EPM2A: variants seen among roughly 807,000 people sequenced by gnomAD.
EPM2A encodes the protein EPM2A glucan phosphatase, laforin, also known as laforin.
In EPM2A, 21 loss-of-function variants were observed where a neutral mutation model predicts 26.5. The ratio of observed to expected loss-of-function variants is 0.79; its 90% CI spans 0.56 to 1.14. The LOEUF (loss-of-function observed/expected upper bound fraction) is 1.14, where lower values mean the gene tolerates loss of function less well. Among genes scored for constraint, EPM2A ranks in the 50% most tolerant of loss-of-function variants. The pLI is 0.00. For synonymous variants in EPM2A, 217 were observed against 177.6 expected, an observed-to-expected ratio of 1.22 and a Z score of -1.76; for missense variants, 458 against 440.8, an observed-to-expected ratio of 1.04 and a Z score of -0.35.
intron 2 of EPM2A, among the ~76,000 whole-genome samples, chr6:145,581,045 T>C (rs554794089): frequency 1.3e-5 from 2 of 152,354 alleles, no homozygotes; most frequent in South Asian, 4.1e-4. Flanking sequence ...ATAATTGGAA[T>C]GCTGGGTAAA....
At chr6:145,385,791 A>T (rs1417513392) in intron 4 of EPM2A, among the ~76,000 whole-genome samples, 1 of 152,034 alleles carries the variant, frequency 6.6e-6, no homozygotes, top group African/African-American at 2.4e-5. Context: ...ATTGCTTTCT[A>T]TCTATAAATC....
At chr6:145,502,562 T>A (rs1379764415) in exon 3 of EPM2A, 2 of 470,902 alleles carry the variant, frequency 4.2e-6, no homozygotes. Flanking sequence ...ACATGTCAGC[T>A]GTCCTCTTCT....
At chr6:145,503,006 T>G (rs1008749306) in intron 2 of EPM2A, among the ~76,000 whole-genome samples, 1 of 152,230 alleles carries the variant, frequency 6.6e-6, no homozygotes, top group Non-Finnish European at 1.5e-5. Flanking sequence ...AGCTTTGCCA[T>G]AACCCATTTA....
rs1775869343 is a variant in EPM2A at position 145,627,177 on chromosome 6, C to T, written c.*239G>A. ...ACGCATTACCCTTCTGTCTGATGTA[C>T]AGCCTAACTGCTTCGTGCTTCTTCT... On this transcript the variant is annotated 3_prime_UTR_variant, in exon 4 of 4. Coordinates refer to ENST00000367519, the MANE Select transcript of EPM2A (RefSeq NM_005670.4). 2 of 1,408,928 alleles carry T rather than the reference C, an allele frequency of 1.4e-6. No homozygotes were observed. Among genetic ancestry groups the T allele is most frequent in the Admixed American group, 2.9e-5 (1 of 34,166 alleles). 87.3% of individuals were successfully genotyped at this position (1,408,928 alleles called of 1,614,324 possible). A position where few individuals can be genotyped will look rare whatever the true frequency, so the allele number is the denominator to read the frequency against.
chr6:145,648,464 T>C (rs1240675024), intron 2 of EPM2A, among the ~76,000 whole-genome samples: 1 of 152,232 alleles, frequency 6.6e-6, no homozygotes, highest in Non-Finnish European at 1.5e-5. Context: ...TTATTAATTA[T>C]AACCCATGGA....
intron 2 of EPM2A, among the ~76,000 whole-genome samples, chr6:145,618,530 T>G (rs1270007261): frequency 6.6e-6 from 1 of 152,196 alleles, no homozygotes; most frequent in Non-Finnish European, 1.5e-5. Context: ...GTCATCCTCA[T>G]GTTGTTCTCA....
At chr6:145,718,917 A>T (rs902644711) in intron 1 of EPM2A, among the ~76,000 whole-genome samples, 5 of 152,264 alleles carry the variant, frequency 3.3e-5, no homozygotes, top group African/African-American at 9.6e-5. Context: ...TCAAAACCAC[A>T]ATGAGATACC....
chr6:145,657,484 A>G (rs2128584247), intron 2 of EPM2A, among the ~76,000 whole-genome samples: 1 of 152,086 alleles, frequency 6.6e-6, no homozygotes, highest in East Asian at 1.9e-4. Flanking sequence ...TTCCTATTTA[A>G]CTGACAGGAT....
chr6:145,390,415 C>A (rs150321311), intron 4 of EPM2A, among the ~76,000 whole-genome samples: 1 of 151,820 alleles, frequency 6.6e-6, no homozygotes, highest in Non-Finnish European at 1.5e-5. Context: ...ATGTAAGGTA[C>A]CCTTCATGGC....
intron 4 of EPM2A, among the ~76,000 whole-genome samples, chr6:145,405,135 T>C (rs1778549287): frequency 6.6e-6 from 1 of 152,158 alleles, no homozygotes; most frequent in African/African-American, 2.4e-5. Context: ...TTGCTGACAA[T>C]GTTAGAAAAA....
chr6:145,550,236 G>C (rs138451832), intron 2 of EPM2A, among the ~76,000 whole-genome samples: 41 of 152,098 alleles, frequency 2.7e-4, no homozygotes, highest in Non-Finnish European at 4.4e-4. Flanking sequence ...CCCTTCCCAG[G>C]AATTTTATTA....
intron 2 of EPM2A, among the ~76,000 whole-genome samples, chr6:145,647,739 G>A (rs1418614083): frequency 6.6e-6 from 1 of 152,118 alleles, no homozygotes; most frequent in East Asian, 1.9e-4. Context: ...GAAAGGGGAA[G>A]AGGAAGGGAA....
intron 4 of EPM2A, chr6:145,490,717 C>T (rs1779743421): frequency 5.3e-6 from 3 of 569,898 alleles, no homozygotes; most frequent in East Asian, 4.6e-5. Context: ...TGAACCATTA[C>T]ATTTCTCACA....
In EPM2A at chr6:145,426,382, C is replaced by T. The variant is rs139572771; in HGVS notation, c.556-42285G>A. Among the ~76,000 whole-genome samples, 234 of 152,262 alleles carry T rather than the reference C, an allele frequency of 1.5e-3. 2 individuals are homozygous for T. Among genetic ancestry groups the T allele is most frequent in the African/African-American group, 5.2e-3 (215 of 41,558 alleles). ...CAGTACAATCTCTCAAAACCAGATT[C>T]GCATCAAAATAATTTCCACCATCGA... On this transcript the variant is annotated intron_variant, in intron 4 of 4. Coordinates refer to the EPM2A transcript ENST00000638717.
At chr6:145,561,457 T>C (rs1412975575) in intron 2 of EPM2A, among the ~76,000 whole-genome samples, 1 of 152,186 alleles carries the variant, frequency 6.6e-6, no homozygotes, top group Non-Finnish European at 1.5e-5. Flanking sequence ...ATGAAGACTT[T>C]TGTATATTTG....
intron 1 of EPM2A, among the ~76,000 whole-genome samples, chr6:145,690,693 T>C (rs944054298): frequency 4.0e-5 from 6 of 151,506 alleles, no homozygotes; most frequent in African/African-American, 1.2e-4. Flanking sequence ...ATGTTAGAAT[T>C]ATGTGATAAT....
intron 4 of EPM2A, among the ~76,000 whole-genome samples, chr6:145,480,084 T>C (rs536955410): frequency 5.9e-5 from 9 of 152,144 alleles, no homozygotes; most frequent in Admixed American, 4.6e-4. Flanking sequence ...CATTAAATTG[T>C]TTGCCAGTTT....
intron 4 of EPM2A, among the ~76,000 whole-genome samples, chr6:145,483,235 A>G (rs1343417368): frequency 6.6e-6 from 1 of 152,076 alleles, no homozygotes; most frequent in African/African-American, 2.4e-5. Flanking sequence ...ATTCAATTAA[A>G]TCTTCTGTAG....
chr6:145,688,885 T>C (rs1042009891), intron 1 of EPM2A, among the ~76,000 whole-genome samples: 2 of 152,174 alleles, frequency 1.3e-5, no homozygotes, highest in African/African-American at 4.8e-5. Context: ...TGGAATTGGA[T>C]GGAGGGGAAC....
Sources: allele counts gnomAD v4.1 joint callset (sites outside exome capture counted in the v4.1 genomes callset), GRCh38; gene constraint gnomAD v4.1.1; transcripts MANE v1.5; gene names NCBI Gene and HGNC (gene_info 2026-07-23, HGNC 2026-07-21).